Variants in PFKFB3 observed in about 807,000 individuals in gnomAD.
The protein encoded by PFKFB3 is 6-phosphofructo-2-kinase/fructose-2,6-biphosphatase 3.
Under a neutral mutation model 68.0 loss-of-function variants are expected in PFKFB3, and 33 were observed. That is an observed-to-expected ratio of 0.49 (90% CI 0.37 to 0.65). The LOEUF is 0.65. Among genes scored for constraint, PFKFB3 ranks in the 30% least tolerant of loss-of-function variants. The pLI is 0.00. For synonymous variants in PFKFB3, 315 were observed against 288.2 expected, an observed-to-expected ratio of 1.09 and a Z score of -0.94; for missense variants, 586 against 712.2, an observed-to-expected ratio of 0.82 and a Z score of 2.02.
chr10:6,205,208 T>TA (rs150244713), intron 1 of PFKFB3, among the ~76,000 whole-genome samples: 2 of 152,028 alleles, frequency 1.3e-5, no homozygotes, highest in South Asian at 2.1e-4. Flanking sequence ...TGTAAAAAGA[T>TA]CCGCAGCCTG....
intron 1 of PFKFB3, among the ~76,000 whole-genome samples, chr10:6,166,821 C>CT (rs144747290): frequency 0.014 from 1,331 of 95,252 alleles, 27 homozygotes; most frequent in African/African-American, 0.04. Context: ...CCTTCTTCTT[C>CT]TTTTTTTTTT....
intron 1 of PFKFB3, among the ~76,000 whole-genome samples, chr10:6,157,765 TATC>T (rs895740195): frequency 2.6e-5 from 4 of 152,226 alleles, no homozygotes; most frequent in African/African-American, 9.6e-5. Context: ...AAGGTCATGT[TATC>T]ATGACTGCTT....
rs77146768 is a variant in PFKFB3 at position 6,249,594 on chromosome 10, G to T, written c.1516-4584G>T. The stretch of plus-strand genomic sequence containing the variant: ...ACATTAAATAATCAAGGCACAGAAA[G>T]AAAAATACTGCATGTCCTCACTTAT... On this transcript the variant is annotated intron_variant, in intron 14 of 14. Coordinates refer to the PFKFB3 transcript ENST00000640683. Among the ~76,000 whole-genome samples the T allele has an allele frequency of 3.0e-3, 458 of 152,286 alleles. 3 individuals carry two copies. The highest frequency in any genetic ancestry group is 0.01 in the African/African-American group (432 of 41,550).
intron 14 of PFKFB3, 143 bp from the exon 15 acceptor site, chr10:6,232,752 C>T (rs1845823503): frequency 2.9e-6 from 2 of 700,474 alleles, no homozygotes; most frequent in African/African-American, 1.8e-5. Context: ...GTGAGGTTGG[C>T]AGCACCTTTC....
chr10:6,226,301 C>T lies in PFKFB3; in HGVS notation c.1451C>T (p.Ala484Val), dbSNP rs746325286. The change falls in exon 14 of 15, where the codon GCC becomes GTC. Residue 484 changes from alanine to valine, a missense_variant. By Grantham distance (64) the Ala-to-Val change is moderately conservative. Coordinates refer to ENST00000379775, the MANE Select transcript of PFKFB3 (RefSeq NM_004566.4). ...PRINSFEEHV[A>V]STSAALPSCL... Reference sequence around the variant, plus strand: ...ATCAACAGCTTTGAGGAGCATGTGGCCTCCACCTCGGCCGCCCTGCCCAGC... The same window carrying T: ...ATCAACAGCTTTGAGGAGCATGTGGTCTCCACCTCGGCCGCCCTGCCCAGC... The T allele has an allele frequency of 3.7e-6, 6 of 1,614,178 alleles. No individual in the cohort carries two copies. The South Asian group carries it at 5.5e-5, about 15-fold the overall frequency.
chr10:6,212,505 C>T (rs74114567), intron 1 of PFKFB3, among the ~76,000 whole-genome samples: 53 of 152,268 alleles, frequency 3.5e-4, no homozygotes, highest in African/African-American at 1.2e-3. Context: ...GCCCTTCCCT[C>T]GGCAGGGCCC....
chr10:6,150,787 C>T (rs1288452004), intron 1 of PFKFB3, among the ~76,000 whole-genome samples: 12 of 152,156 alleles, frequency 7.9e-5, no homozygotes, highest in African/African-American at 2.7e-4. Flanking sequence ...CACTTGACGT[C>T]AGGAGTTTGA....
At chr10:6,239,531 AT>A (rs1314323560), downstream of PFKFB3, among the ~76,000 whole-genome samples, 2 of 152,022 alleles carry the variant, frequency 1.3e-5, no homozygotes, top group African/African-American at 4.8e-5. Context: ...CGAACAACAG[AT>A]TTTCTGGAGT....
downstream of PFKFB3, among the ~76,000 whole-genome samples, chr10:6,239,179 C>T (rs1003925223): frequency 6.6e-6 from 1 of 152,166 alleles, no homozygotes; most frequent in South Asian, 2.1e-4. Flanking sequence ...ACACGCCTGA[C>T]AGTTCCTGGC....
At chr10:6,206,540 C>A (rs1443449210) in intron 1 of PFKFB3, among the ~76,000 whole-genome samples, 11 of 110,110 alleles carry the variant, frequency 1.0e-4, no homozygotes, top group African/African-American at 4.7e-4. Flanking sequence ...CGGGCAGAGG[C>A]GCCCCTCACC....
intron 1 of PFKFB3, among the ~76,000 whole-genome samples, chr10:6,195,981 G>T (rs1272571975): frequency 6.6e-6 from 1 of 152,144 alleles, no homozygotes; most frequent in African/African-American, 2.4e-5. Flanking sequence ...ACTTTGAGAG[G>T]AATTTTCCAG....
the PFKFB3 span, among the ~76,000 whole-genome samples, chr10:6,309,348 C>A: frequency 6.6e-6 from 1 of 152,152 alleles, no homozygotes; most frequent in Non-Finnish European, 1.5e-5. Flanking sequence ...TGGCATGTGC[C>A]TGTAATCCCA....
intron 1 of PFKFB3, among the ~76,000 whole-genome samples, chr10:6,206,448 G>A (rs1395430584): frequency 1.9e-4 from 22 of 118,418 alleles, no homozygotes; most frequent in South Asian, 5.8e-4. Flanking sequence ...GTCATGGCCC[G>A]TTCTCAATGA....
chr10:6,259,419 T>C (rs562182567), downstream of PFKFB3, among the ~76,000 whole-genome samples: 1 of 148,476 alleles, frequency 6.7e-6, no homozygotes, highest in East Asian at 2.0e-4. Flanking sequence ...CCCATCCATC[T>C]ACTCATCCAT....
At chr10:6,307,582 C>T in the PFKFB3 span, among the ~76,000 whole-genome samples, 1 of 146,742 alleles carries the variant, frequency 6.8e-6, no homozygotes, top group Admixed American at 6.8e-5. Flanking sequence ...CCTTCTCTCC[C>T]TCCCCCACCC....
chr10:6,280,263 G>T, the PFKFB3 span, among the ~76,000 whole-genome samples: 1 of 152,218 alleles, frequency 6.6e-6, no homozygotes, highest in Non-Finnish European at 1.5e-5. Context: ...TGTAGTACTT[G>T]CCGCCTTATT....
intron 1 of PFKFB3, among the ~76,000 whole-genome samples, chr10:6,165,315 GAGCAT>G (rs1842099166): frequency 6.6e-6 from 1 of 152,214 alleles, no homozygotes; most frequent in South Asian, 2.1e-4. Context: ...ATGTTTCTGT[GAGCAT>G]AGGGTTGGGG....
intron 5 of PFKFB3, 101 bp from the exon 6 acceptor site, chr10:6,217,034 G>A: frequency 1.7e-6 from 2 of 1,182,196 alleles, no homozygotes; most frequent in African/African-American, 1.5e-5. Context: ...GAGTTGGTGG[G>A]TGGCGTGCTT....
intron 1 of PFKFB3, among the ~76,000 whole-genome samples, chr10:6,193,284 T>A (rs1027359383): frequency 1.3e-5 from 2 of 152,286 alleles, no homozygotes. Flanking sequence ...CCAGAAACTC[T>A]AGGCTGCACT....
Sources: gnomAD v4.1 joint callset for allele counts (sites outside exome capture counted in the v4.1 genomes callset) on GRCh38, gnomAD v4.1.1 for gene constraint, MANE v1.5 for transcripts, NCBI Gene and HGNC (gene_info 2026-07-23, HGNC 2026-07-21) for gene names.